PDCD6IP: variants seen among roughly 807,000 people sequenced by gnomAD.
The protein encoded by PDCD6IP is programmed cell death 6 interacting protein.
Under a neutral mutation model 103.7 loss-of-function variants are expected in PDCD6IP, and 43 were observed. That is an observed-to-expected ratio of 0.41 (90% CI 0.32 to 0.53). The LOEUF (loss-of-function observed/expected upper bound fraction) is 0.53, where lower values mean the gene tolerates loss of function less well. Among genes scored for constraint, PDCD6IP ranks in the 20% least tolerant of loss-of-function variants. The pLI is 0.16. For synonymous variants in PDCD6IP, 354 were observed against 378.7 expected (o/e 0.93, Z 0.76); for missense variants, 871 against 1,036.7 (o/e 0.84, Z 2.20).
intron 15 of PDCD6IP, among the ~76,000 whole-genome samples, chr3:33,862,086 C>T (rs1294670416): frequency 6.6e-6 from 1 of 152,058 alleles, no homozygotes; most frequent in African/African-American, 2.4e-5. Flanking sequence ...CTGCAACCAT[C>T]CCTAGAGTTT....
chr3:33,845,398 C>T (rs1559791450), intron 11 of PDCD6IP, 21 bp from the exon 12 acceptor site: 1 of 1,601,084 alleles, frequency 6.2e-7, no homozygotes, highest in Admixed American at 1.7e-5. Flanking sequence ...CTGTGCTCTG[C>T]AAACTTTTAT....
chr3:33,803,067 A>G (rs1696511801), intron 1 of PDCD6IP, among the ~76,000 whole-genome samples: 1 of 152,040 alleles, frequency 6.6e-6, no homozygotes, highest in Non-Finnish European at 1.5e-5. Flanking sequence ...GAAACCTCTT[A>G]TATCCTGTGT....
chr3:33,834,081 C>T (rs575624392), intron 7 of PDCD6IP, among the ~76,000 whole-genome samples: 40 of 152,184 alleles, frequency 2.6e-4, no homozygotes, highest in African/African-American at 9.2e-4. Context: ...TTCTCCCTCC[C>T]TACTTTTCTG....
At chr3:33,863,182 T>G (rs1336443281) in intron 15 of PDCD6IP, among the ~76,000 whole-genome samples, 1 of 152,194 alleles carries the variant, frequency 6.6e-6, no homozygotes, top group African/African-American at 2.4e-5. Flanking sequence ...CACATATTTG[T>G]GGGGCACATG....
At chr3:33,824,740 T>C (rs73826772) in intron 4 of PDCD6IP, among the ~76,000 whole-genome samples, 8,223 of 152,292 alleles carry the variant, frequency 0.054, 723 homozygotes, top group African/African-American at 0.18. Flanking sequence ...GTAGTAATGC[T>C]GTTCCTCAGA....
At chr3:33,843,678 C>G (rs1258249707) in intron 10 of PDCD6IP, among the ~76,000 whole-genome samples, 5 of 152,054 alleles carry the variant, frequency 3.3e-5, no homozygotes, top group Admixed American at 3.3e-4. Context: ...GTCATCTTAT[C>G]TGTGCATTAA....
chr3:33,841,039 T>TC (rs1697456653), intron 9 of PDCD6IP, among the ~76,000 whole-genome samples: 2 of 150,432 alleles, frequency 1.3e-5, no homozygotes, highest in African/African-American at 5.0e-5. Flanking sequence ...TTTTTTTTTT[T>TC]TCCCCCGAGA....
intron 9 of PDCD6IP, among the ~76,000 whole-genome samples, chr3:33,838,718 CCTATT>C (rs940014026): frequency 5.9e-5 from 9 of 151,660 alleles, no homozygotes; most frequent in Non-Finnish European, 1.3e-4. Flanking sequence ...ACAAAATACA[CCTATT>C]CTAAGTGCAC....
Position 33,836,128 on chromosome 3 carries a change from G to T in PDCD6IP, c.919G>T (p.Ala307Ser), listed in dbSNP as rs1431157450. ...VKDFSDKINR[A>S]LAAAKKDNDF... ...GGATTTTTCTGACAAAATCAATCGTGCCCTTGCTGCAGCAAAGAAGGATAA... is the reference window on the plus strand; with the variant it reads ...GGATTTTTCTGACAAAATCAATCGTTCCCTTGCTGCAGCAAAGAAGGATAA... The change falls in exon 8 of 18, where the codon GCC (alanine) becomes TCC (serine). Residue 307 changes from alanine (A) to serine (S), a missense_variant. By Grantham distance (99) the Ala-to-Ser change is moderately conservative (BLOSUM62 1). This residue lies in a region of PDCD6IP where 242 missense variants were observed against 250.7 expected (regional missense o/e 0.97). Transcript: ENST00000307296. 1.9e-6 allele frequency: 3 copies of T among 1,610,312 alleles called. No individual in the cohort carries two copies. Among genetic ancestry groups the T allele is most frequent in the Non-Finnish European group, 2.5e-6 (3 of 1,176,750 alleles).
chr3:33,812,142 T>C lies in PDCD6IP; in HGVS notation c.264+16T>C. On this transcript the variant is annotated intron_variant, in intron 2 of 17. Transcript: ENST00000307296. ...TGAAAATCAGGTAAGTCATTAATTC[T>C]GTCTTAAAATTATATGGTAATAGCA... The C allele has an allele frequency of 6.3e-7, 1 of 1,597,318 alleles. No homozygotes were observed. Among genetic ancestry groups the C allele is most frequent in the African/African-American group, 1.3e-5 (1 of 74,328 alleles).
At chr3:33,808,559 A>T (rs1373958630) in intron 1 of PDCD6IP, among the ~76,000 whole-genome samples, 1 of 152,170 alleles carries the variant, frequency 6.6e-6, no homozygotes, top group African/African-American at 2.4e-5. Context: ...GATTACAGGC[A>T]TGAGCCACAG....
Position 33,806,210 on chromosome 3 carries a change from GTAC to G in PDCD6IP, c.210-5860_210-5858del, listed in dbSNP as rs528538478. Among the ~76,000 whole-genome samples, 262 of 152,264 alleles carry G rather than the reference GTAC, an allele frequency of 1.7e-3. 1 individual carries two copies. Among genetic ancestry groups the G allele is most frequent in the African/African-American group, 5.7e-3 (238 of 41,544 alleles). ...ATAAAATACTGGAGAACATATATAA[GTAC>G]TTCTCCATTGTTGCAAAACAGTAAT... is the stretch of plus-strand genomic sequence containing the variant. On this transcript the variant is annotated intron_variant, in intron 1 of 17. Coordinates refer to ENST00000307296, the MANE Select transcript of PDCD6IP (RefSeq NM_013374.6).
chr3:33,830,366 C>G (rs1697220043), intron 7 of PDCD6IP, among the ~76,000 whole-genome samples: 1 of 152,046 alleles, frequency 6.6e-6, no homozygotes, highest in Admixed American at 6.6e-5. Flanking sequence ...TCTTTATTTT[C>G]TGGTTTCTGG....
chr3:33,854,259 G>C (rs1697782003), intron 14 of PDCD6IP, among the ~76,000 whole-genome samples: 2 of 152,186 alleles, frequency 1.3e-5, no homozygotes, highest in South Asian at 4.1e-4. Context: ...AAATATTCCA[G>C]GTAGCAGGAA....
chr3:33,841,015 T>G (rs1697455553), intron 9 of PDCD6IP, among the ~76,000 whole-genome samples: 1 of 150,202 alleles, frequency 6.7e-6, no homozygotes, highest in African/African-American at 2.5e-5. Context: ...ATAGTTTTTC[T>G]TATTTTTTGA....
chr3:33,813,490 A>C, intron 2 of PDCD6IP, 69 bp from the exon 3 acceptor site: 1 of 958,220 alleles, frequency 1.0e-6, no homozygotes, highest in Non-Finnish European at 1.6e-6. Context: ...TTTTTCTTCA[A>C]AGAAGACTTA....
intron 1 of PDCD6IP, among the ~76,000 whole-genome samples, chr3:33,803,448 G>C (rs1459363894): frequency 6.6e-6 from 1 of 152,038 alleles, no homozygotes; most frequent in Non-Finnish European, 1.5e-5. Context: ...GTGATTGCTT[G>C]TTCTTTTCTT....
intron 1 of PDCD6IP, among the ~76,000 whole-genome samples, chr3:33,806,885 G>A (rs1263077316): frequency 6.6e-6 from 1 of 152,216 alleles, no homozygotes; most frequent in Non-Finnish European, 1.5e-5. Context: ...AGCAATGGCT[G>A]CTTTCTTTTG....
intron 12 of PDCD6IP, among the ~76,000 whole-genome samples, chr3:33,848,135 T>A (rs1466098060): frequency 6.6e-6 from 1 of 152,200 alleles, no homozygotes; most frequent in Non-Finnish European, 1.5e-5. Context: ...ACAGAAAGTT[T>A]ATAGACATAT....
Sources: gnomAD v4.1 joint callset for allele counts (sites outside exome capture counted in the v4.1 genomes callset) on GRCh38, gnomAD v4.1.1 for gene constraint, gnomAD v4.1.1 regional missense constraint, MANE v1.5 for transcripts, NCBI Gene and HGNC (gene_info 2026-07-23, HGNC 2026-07-21) for gene names.